GBF1: variants seen among roughly 807,000 people sequenced by gnomAD.
The protein encoded by GBF1 is Golgi-specific brefeldin A-resistance guanine nucleotide exchange factor 1.
GBF1 carries 114 observed loss-of-function variants against 210.5 expected under a neutral mutation model. The observed-to-expected ratio is 0.54, with a 90% CI of 0.47 to 0.63. The LOEUF is 0.63. GBF1 is among the 30% of genes least tolerant of loss of function. GBF1 has a pLI of 0.00. For synonymous variants in GBF1, 850 were observed against 889.2 expected, an observed-to-expected ratio of 0.96 and a Z score of 0.78; for missense variants, 1,851 against 2,357.7, an observed-to-expected ratio of 0.79 and a Z score of 4.45.
chr10:102,355,409 T>C (rs576156528), intron 8 of GBF1, among the ~76,000 whole-genome samples: 1 of 152,350 alleles, frequency 6.6e-6, no homozygotes, highest in African/African-American at 2.4e-5. Flanking sequence ...TTGTAAAGCT[T>C]ACACTGTCCT....
At position 102,379,397 on chromosome 10, in the gene GBF1, C is replaced by A. The variant is rs749242331; in HGVS notation, c.4608C>A (p.Arg1536=). ...GCCAGAAGATTGAAGCTGATTCTCG[C>A]ACCCTCTGGGCCCACTGCTGGTGCC... ...TGGQKIEADS[R]TLWAHCWCPL... Residue 1536 remains arginine, a synonymous_variant, in exon 34 of 40, where the codon CGC becomes CGA. Transcript: ENST00000369983. 3.1e-6 allele frequency: 5 copies of A among 1,614,020 alleles called. No individual in the cohort carries two copies. In the African/African-American group the frequency reaches 4.0e-5, roughly 13 times the overall value.
upstream of GBF1, among the ~76,000 whole-genome samples, chr10:102,240,944 G>T (rs945982505): frequency 6.6e-6 from 1 of 152,152 alleles, no homozygotes; most frequent in Non-Finnish European, 1.5e-5. Context: ...CACACTGGGG[G>T]CCGCCCCGCC....
intron 3 of GBF1, among the ~76,000 whole-genome samples, chr10:102,276,047 G>A (rs970402187): frequency 2.0e-5 from 3 of 151,410 alleles, no homozygotes; most frequent in Non-Finnish European, 4.4e-5. Context: ...GACCAGCCTG[G>A]CCAACATGGT....
rs374014955 is a variant in GBF1 at position 102,255,241 on chromosome 10, A to G, written c.-10-3688A>G. ...TTTTTAGTTGAGGTGGCGTTTCACCATGTTGGCCAGGCTGGTCTTGAACTC... is the reference window on the plus strand; with the variant it reads ...TTTTTAGTTGAGGTGGCGTTTCACCGTGTTGGCCAGGCTGGTCTTGAACTC... On this transcript the variant is annotated intron_variant, in intron 1 of 39. Coordinates refer to ENST00000369983, the MANE Select transcript of GBF1 (RefSeq NM_001377137.1). 3.6e-4 allele frequency among the ~76,000 whole-genome samples: 54 copies of G among 152,062 alleles called. 1 individual carries two copies. The East Asian group carries it at 9.1e-3, about 26-fold the overall frequency.
chr10:102,292,232 G>A (rs2076503095), intron 3 of GBF1, among the ~76,000 whole-genome samples: 1 of 151,574 alleles, frequency 6.6e-6, no homozygotes, highest in Admixed American at 6.6e-5. Flanking sequence ...ATTCTCTTTG[G>A]CCTTTCCATT....
At position 102,363,267 on chromosome 10, in the gene GBF1, G is replaced by A. The variant is rs1447336568; in HGVS notation, c.1888G>A (p.Ala630Thr). The change falls in exon 16 of 40, where the codon GCC becomes ACC. Residue 630 changes from alanine to threonine, a missense_variant. This residue lies in a region of GBF1 where 804 missense variants were observed against 958.6 expected (regional missense o/e 0.84). Coordinates refer to ENST00000369983, the MANE Select transcript of GBF1 (RefSeq NM_001377137.1). The surrounding 1 kb of genome is among the most constrained non-coding windows in gnomAD (Gnocchi z 4.2). ...TTCTCTCTTACCAGCTGAGAGAACT[G>A]CCAGCGATGGGAAAGCTGTAGGCAT... ...TREASNTERT[A>T]SDGKAVGMAS... The A allele has an allele frequency of 6.2e-7, 1 of 1,612,678 alleles. No individual in the cohort carries two copies. The highest frequency in any genetic ancestry group is 8.5e-7 in the Non-Finnish European group (1 of 1,179,360).
intron 1 of GBF1, among the ~76,000 whole-genome samples, chr10:102,258,643 G>A (rs964712276): frequency 1.7e-4 from 25 of 150,976 alleles, no homozygotes; most frequent in Non-Finnish European, 3.7e-4. Flanking sequence ...ATATGGTGGC[G>A]CATGCCTGTA....
chr10:102,382,216 C>A lies in GBF1; in HGVS notation c.5463C>A (p.Gly1821=), dbSNP rs780369475. 1.2e-6 allele frequency: 2 copies of A among 1,613,766 alleles called. No homozygotes were observed. Among genetic ancestry groups the A allele is most frequent in the African/African-American group, 2.7e-5 (2 of 74,918 alleles). The part of the protein sequence containing the change: ...LQPLASPLQV[G]VPPMTLPIIL... ...CCTTGGCCTCCCCACTGCAGGTGGGCGTGCCACCTATGACTCTGCCCATCA... is the reference window on the plus strand; with the variant it reads ...CCTTGGCCTCCCCACTGCAGGTGGGAGTGCCACCTATGACTCTGCCCATCA... The change falls in exon 40 of 40, where the codon GGC becomes GGA. Residue 1821 remains glycine (G), a synonymous_variant. Coordinates refer to ENST00000369983, the MANE Select transcript of GBF1 (RefSeq NM_001377137.1).
intron 5 of GBF1, 130 bp from the exon 6 acceptor site, chr10:102,351,713 A>G: frequency 1.6e-6 from 1 of 642,498 alleles, no homozygotes; most frequent in East Asian, 2.7e-5. Context: ...AACAATTCCA[A>G]GGACAAGCTT....
chr10:102,336,913 C>T (rs1377638153), intron 3 of GBF1, among the ~76,000 whole-genome samples: 1 of 152,120 alleles, frequency 6.6e-6, no homozygotes, highest in African/African-American at 2.4e-5. Context: ...AAAACTGATG[C>T]AGCCTACAAA....
chr10:102,300,976 C>CTTTTTTTTTTTTT, intron 3 of GBF1, among the ~76,000 whole-genome samples: 1 of 136,268 alleles, frequency 7.3e-6, no homozygotes, highest in Non-Finnish European at 1.6e-5. Context: ...ATTTTCTTTT[C>CTTTTTTTTTTTTT]TTTTTTTTTT....
chr10:102,345,639 TC>T (rs144028146), intron 4 of GBF1, among the ~76,000 whole-genome samples: 13,417 of 95,824 alleles, frequency 0.14, 933 homozygotes, highest in Middle Eastern at 0.41. Context: ...AGAGCAAGAC[TC>T]CGTCTCAAAA....
intron 3 of GBF1, among the ~76,000 whole-genome samples, chr10:102,294,692 T>C (rs1488746533): frequency 1.3e-5 from 2 of 152,132 alleles, no homozygotes; most frequent in East Asian, 3.9e-4. Flanking sequence ...GTATCTTTTA[T>C]GCAGTATTTT....
intron 3 of GBF1, among the ~76,000 whole-genome samples, chr10:102,325,706 G>C (rs1353278457): frequency 6.6e-6 from 1 of 151,906 alleles, no homozygotes; most frequent in Non-Finnish European, 1.5e-5. Flanking sequence ...CTGGAGTGCG[G>C]TGGCACAATC....
At chr10:102,350,144 G>A (rs956187675) in intron 4 of GBF1, among the ~76,000 whole-genome samples, 1 of 152,082 alleles carries the variant, frequency 6.6e-6, no homozygotes, top group Admixed American at 6.5e-5. Context: ...GAGGTCGGGA[G>A]TTCGAGACCA....
intron 8 of GBF1, among the ~76,000 whole-genome samples, chr10:102,354,877 G>A (rs2059201246): frequency 6.6e-6 from 1 of 151,836 alleles, no homozygotes; most frequent in Non-Finnish European, 1.5e-5. Flanking sequence ...ACCTGGACTG[G>A]GTTTGGAGGG....
At chr10:102,377,892 G>C (rs922556112) in intron 33 of GBF1, among the ~76,000 whole-genome samples, 1 of 152,014 alleles carries the variant, frequency 6.6e-6, no homozygotes, top group Non-Finnish European at 1.5e-5. Flanking sequence ...AATTGATGGA[G>C]AACCAATTGC....
chr10:102,258,791 A>AAAAAG, intron 1 of GBF1, 138 bp from the exon 2 acceptor site: 1 of 476,568 alleles, frequency 2.1e-6, no homozygotes, highest in Non-Finnish European at 3.8e-6. Flanking sequence ...AAAAAAAAAA[A>AAAAAG]AAAGAAAGAA....
intron 1 of GBF1, among the ~76,000 whole-genome samples, chr10:102,248,918 A>T (rs2071160586): frequency 6.6e-6 from 1 of 152,182 alleles, no homozygotes; most frequent in African/African-American, 2.4e-5. Context: ...TTTAGGAATG[A>T]ACCACCATGC....
Sources: gnomAD v4.1 joint callset for allele counts (sites outside exome capture counted in the v4.1 genomes callset) on GRCh38, gnomAD v4.1.1 for gene constraint, gnomAD v4.1.1 regional missense constraint, Gnocchi (gnomAD v3.1) non-coding constraint, MANE v1.5 for transcripts, NCBI Gene and HGNC (gene_info 2026-07-23, HGNC 2026-07-21) for gene names.